OGFOD1: variants seen among roughly 807,000 people sequenced by gnomAD.
OGFOD1 encodes prolyl 3-hydroxylase OGFOD1.
Under a neutral mutation model 67.7 loss-of-function variants are expected in OGFOD1, and 54 were observed. The observed-to-expected ratio is 0.80, with a 90% CI of 0.64 to 1.00. The LOEUF is 1.00. Ranked by LOEUF, OGFOD1 falls within the 50% of genes least tolerant of loss-of-function variation. OGFOD1 has a pLI of 0.00. For synonymous variants in OGFOD1, 221 were observed against 227.0 expected, an observed-to-expected ratio of 0.97 and a Z score of 0.24; for missense variants, 606 against 646.7, an observed-to-expected ratio of 0.94 and a Z score of 0.68.
chr16:56,459,456 C>T (rs76182068), intron 3 of OGFOD1, among the ~76,000 whole-genome samples: 6,435 of 151,892 alleles, frequency 0.042, 208 homozygotes, highest in East Asian at 0.16. Flanking sequence ...CAAATTTGAT[C>T]GCCCATGGAG....
chr16:56,459,287 C>G (rs111708774), intron 3 of OGFOD1, among the ~76,000 whole-genome samples: 6,400 of 151,646 alleles, frequency 0.042, 203 homozygotes, highest in East Asian at 0.16. Context: ...TTGGGGTGAG[C>G]CGAGATCGAG....
rs184332828 is a variant in OGFOD1 at position 56,473,599 on chromosome 16, G to A, written c.1286-1229G>A. On this transcript the variant is annotated intron_variant, in intron 10 of 12. Transcript: ENST00000566157. ...ATGTTTTCATTCTTCCTAGCAAACT[G>A]TTATATTTTCTTTTCCAACTTGCTT... is the stretch of plus-strand genomic sequence containing the variant. 2.9e-4 allele frequency among the ~76,000 whole-genome samples: 44 copies of A among 152,178 alleles called. No individual in the cohort carries two copies. The South Asian group carries it at 4.6e-3, about 16-fold the overall frequency.
At position 56,453,370 on chromosome 16, in the gene OGFOD1, T is replaced by C. The variant is rs1332510918; in HGVS notation, c.262T>C (p.Phe88Leu). The C allele has an allele frequency of 5.6e-6, 9 of 1,613,574 alleles. No individual in the cohort carries two copies. Among genetic ancestry groups the C allele is most frequent in the African/African-American group, 1.3e-5 (1 of 74,898 alleles). ...TCAGAAGGAACTGATGAACTTGGAC[T>C]TCCATGAGAAGTATAATGATTTATA... ...GLQKELMNLD[F>L]HEKYNDLYKF... Residue 88 changes from phenylalanine to leucine, a missense_variant, in exon 2 of 13, where the codon TTC becomes CTC. Transcript: ENST00000566157.
At chr16:56,461,467 A>C (rs1378453724) in intron 3 of OGFOD1, among the ~76,000 whole-genome samples, 1 of 152,206 alleles carries the variant, frequency 6.6e-6, no homozygotes, top group Non-Finnish European at 1.5e-5. Context: ...ATAAACTGGT[A>C]ATCTAGTAAA....
chr16:56,468,019 G>GTAAGCTTAGCGTATGTTGTTCTGAA lies in OGFOD1; in HGVS notation c.900+4_900+28dup. On this transcript the variant is annotated splice_donor_variant, in intron 8 of 12. Transcript: ENST00000566157. LOFTEE classifies it high-confidence loss of function. ...AATTCTCCTGAAGGAGTTTCTTAAGGTAAGCTTAGCGTATGTTGTTCTGAA... is the reference window on the plus strand; with the variant it reads ...AATTCTCCTGAAGGAGTTTCTTAAGGTAAGCTTAGCGTATGTTGTTCTGAATAAGCTTAGCGTATGTTGTTCTGAA... 2 of 1,466,516 alleles carry GTAAGCTTAGCGTATGTTGTTCTGAA rather than the reference G, an allele frequency of 1.4e-6. No individual in the cohort carries two copies. Among genetic ancestry groups the GTAAGCTTAGCGTATGTTGTTCTGAA allele is most frequent in the Non-Finnish European group, 9.6e-7 (1 of 1,045,702 alleles). 90.8% of individuals were successfully genotyped at this position (1,466,516 alleles called of 1,614,324 possible).
At chr16:56,465,499 T>TGC (rs1306095814) in intron 4 of OGFOD1, 1 of 152,310 alleles carries the variant, frequency 6.6e-6, no homozygotes, top group East Asian at 1.9e-4. Flanking sequence ...CCTCCATGTG[T>TGC]AATTGGTTGC....
At chr16:56,466,393 T>C in intron 5 of OGFOD1, 125 bp downstream of exon 5, 1 of 627,436 alleles carries the variant, frequency 1.6e-6, no homozygotes, top group South Asian at 2.0e-5. Context: ...AAGCTATTTA[T>C]TATAGTAACT....
At chr16:56,459,795 C>G (rs1289000457) in intron 3 of OGFOD1, among the ~76,000 whole-genome samples, 1 of 152,124 alleles carries the variant, frequency 6.6e-6, no homozygotes, top group African/African-American at 2.4e-5. Context: ...AAAAGAGATA[C>G]ACACACCTAC....
At position 56,476,433 on chromosome 16, in the gene OGFOD1, T is replaced by A; in HGVS notation, c.*228T>A. 5.7e-6 allele frequency: 2 copies of A among 351,408 alleles called. No individual in the cohort carries two copies. The highest frequency in any genetic ancestry group is 1.0e-5 in the Non-Finnish European group (2 of 198,212). The allele number at this position is 351,408 out of a possible 1,614,324, so 21.8% of individuals were successfully genotyped here. A position where few individuals can be genotyped will look rare whatever the true frequency, so the allele number is the denominator to read the frequency against. On this transcript the variant is annotated 3_prime_UTR_variant, in exon 13 of 13. Transcript: ENST00000566157. Reference sequence around the variant, plus strand: ...AAAAAAAAGTTGGCTTTTTTTTTTTTAACATTTAGTCCTTTTTCCATATTG... The same window carrying A: ...AAAAAAAAGTTGGCTTTTTTTTTTTAAACATTTAGTCCTTTTTCCATATTG...
chr16:56,462,821 C>G (rs1218809614), intron 4 of OGFOD1, among the ~76,000 whole-genome samples, 187 bp downstream of exon 4: 1 of 152,186 alleles, frequency 6.6e-6, no homozygotes, highest in Admixed American at 6.5e-5. Flanking sequence ...CAGTGGTTGT[C>G]TTTCAGAATA....
At position 56,453,262 on chromosome 16, in the gene OGFOD1, G is replaced by T. The variant is rs777649395; in HGVS notation, c.155-1G>T. The T allele has an allele frequency of 6.2e-7, 1 of 1,602,882 alleles. No individual in the cohort carries two copies. Among genetic ancestry groups the T allele is most frequent in the South Asian group, 1.1e-5 (1 of 88,482 alleles). On this transcript the variant is annotated splice_acceptor_variant, in intron 1 of 12. Coordinates refer to ENST00000566157, the MANE Select transcript of OGFOD1 (RefSeq NM_018233.4). LOFTEE classifies it high-confidence loss of function. The stretch of plus-strand genomic sequence containing the variant: ...CATAGATAATGTTTTTCTTCCAACA[G>T]AAGTCATTGTCATGGACATGGACCC...
chr16:56,475,932 T>G lies in OGFOD1; in HGVS notation c.1468-112T>G, dbSNP rs895322197. Reference sequence around the variant, plus strand: ...AGTAAGTGTTCATTCAGAGGACCCCTCTATCCCCAGATTAAGTGCTTGATA... The same window carrying G: ...AGTAAGTGTTCATTCAGAGGACCCCGCTATCCCCAGATTAAGTGCTTGATA... On this transcript the variant is annotated intron_variant, in intron 12 of 12. Transcript: ENST00000566157. 3.4e-5 allele frequency: 33 copies of G among 971,128 alleles called. No individual in the cohort carries two copies. In the Admixed American group the frequency reaches 6.2e-4, roughly 18 times the overall value. 60.2% of individuals were successfully genotyped at this position (971,128 alleles called of 1,614,324 possible).
chr16:56,457,868 CAG>C (rs1451796853), intron 2 of OGFOD1, among the ~76,000 whole-genome samples: 2 of 152,212 alleles, frequency 1.3e-5, no homozygotes, highest in East Asian at 3.9e-4. Flanking sequence ...TTAGTAGAGA[CAG>C]GGTTTCACCA....
chr16:56,452,849 GC>G (rs1322669563), intron 1 of OGFOD1, among the ~76,000 whole-genome samples: 2 of 152,130 alleles, frequency 1.3e-5, no homozygotes, highest in Admixed American at 6.5e-5. Context: ...AGTAGTAAAT[GC>G]CTCTGACAGT....
intron 4 of OGFOD1, chr16:56,465,950 T>C (rs1176632919): frequency 8.1e-6 from 4 of 495,586 alleles, no homozygotes; most frequent in Non-Finnish European, 1.1e-5. Context: ...AATTATGTGC[T>C]CTTTATTTTT....
Position 56,458,586 on chromosome 16 carries a change from C to T in OGFOD1, c.339C>T (p.Ser113=). ...AGAAGAGAAGAGAGCCTCACATCTC[C>T]ACTTTAAGGTAAACAAGTAATCATA... ...DLKKRREPHI[S]TLRKILFEDF... Residue 113 remains serine, a synonymous_variant, in exon 3 of 13, where the codon TCC becomes TCT. Transcript: ENST00000566157. The T allele has an allele frequency of 3.7e-6, 6 of 1,612,866 alleles. No individual in the cohort carries two copies. The highest frequency in any genetic ancestry group is 4.2e-6 in the Non-Finnish European group (5 of 1,178,852).
chr16:56,465,523 C>T (rs1463023410), intron 4 of OGFOD1: 3 of 152,282 alleles, frequency 2.0e-5, no homozygotes, highest in African/African-American at 7.2e-5. Context: ...TCACCATAGC[C>T]TTCCCTCCCT....
chr16:56,478,691 T>G lies in OGFOD1; in HGVS notation c.*2486T>G, dbSNP rs1330437812. ...ATTCTGGAAAGCCAAATCTGAATCT[T>G]AGAATACCTCACAAGTGTTAAAATG... On this transcript the variant is annotated 3_prime_UTR_variant, in exon 13 of 13. Coordinates refer to ENST00000566157, the MANE Select transcript of OGFOD1 (RefSeq NM_018233.4). The G allele has an allele frequency of 3.3e-5, 5 of 152,202 alleles. No homozygotes were observed. The highest frequency in any genetic ancestry group is 7.2e-5 in the African/African-American group (3 of 41,456). The allele number at this position is 152,202 out of a possible 1,614,324, so 9.4% of individuals were successfully genotyped here.
At chr16:56,469,280 C>G (rs1175455074) in intron 8 of OGFOD1, among the ~76,000 whole-genome samples, 1 of 152,132 alleles carries the variant, frequency 6.6e-6, no homozygotes, top group Admixed American at 6.5e-5. Flanking sequence ...CCTAGAGAAT[C>G]GGAATTGTTA....
Sources: allele counts gnomAD v4.1 joint callset (sites outside exome capture counted in the v4.1 genomes callset), GRCh38; gene constraint gnomAD v4.1.1; transcripts MANE v1.5; gene names NCBI Gene and HGNC (gene_info 2026-07-23, HGNC 2026-07-21).